PALLD: variants seen among roughly 807,000 people sequenced by gnomAD.
PALLD encodes the protein palladin.
In PALLD, 61 loss-of-function variants were observed where a neutral mutation model predicts 123.5. The observed-to-expected ratio is 0.49, with a 90% CI of 0.40 to 0.61. The LOEUF (loss-of-function observed/expected upper bound fraction) is 0.61, where lower values mean the gene tolerates loss of function less well. Ranked by LOEUF, PALLD falls within the 20% of genes least tolerant of loss-of-function variation. The pLI is 0.00. For missense variants in PALLD, 1,273 were observed against 1,377.0 expected (o/e 0.92, Z 1.20); for synonymous variants, 465 against 496.4 (o/e 0.94, Z 0.84).
chr4:168,722,849 T>C (rs1313969279), intron 10 of PALLD, among the ~76,000 whole-genome samples: 3 of 151,980 alleles, frequency 2.0e-5, no homozygotes, highest in Non-Finnish European at 2.9e-5. Flanking sequence ...AGCCAAGCCG[T>C]GTGTAGGTTC....
chr4:168,499,622 A>T (rs1761184004), intron 1 of PALLD, among the ~76,000 whole-genome samples: 1 of 152,154 alleles, frequency 6.6e-6, no homozygotes, highest in South Asian at 2.1e-4. Context: ...TAAGCAACAA[A>T]AGATCCCCCT....
intron 10 of PALLD, among the ~76,000 whole-genome samples, chr4:168,795,121 C>T (rs550706720): frequency 6.6e-6 from 1 of 152,260 alleles, no homozygotes; most frequent in South Asian, 2.1e-4. Flanking sequence ...TAATCACCTC[C>T]CAAAGGTCCC....
At chr4:168,757,179 G>C (rs948486353) in intron 10 of PALLD, among the ~76,000 whole-genome samples, 5 of 152,200 alleles carry the variant, frequency 3.3e-5, no homozygotes, top group African/African-American at 9.7e-5. Context: ...GATGTTTCAA[G>C]GAATTAGCTG....
intron 10 of PALLD, among the ~76,000 whole-genome samples, chr4:168,714,597 T>A (rs1041167015): frequency 6.6e-6 from 1 of 152,208 alleles, no homozygotes; most frequent in African/African-American, 2.4e-5. Flanking sequence ...ATTTGCCTCG[T>A]GTGGTCAGCA....
intron 10 of PALLD, among the ~76,000 whole-genome samples, chr4:168,847,878 GAAAA>G (rs888225873): frequency 6.7e-6 from 1 of 148,812 alleles, no homozygotes; most frequent in South Asian, 2.1e-4. Flanking sequence ...TTCTAAAAAA[GAAAA>G]AAAAAGGAAG....
At chr4:168,786,293 A>G (rs375728605) in intron 10 of PALLD, among the ~76,000 whole-genome samples, 1 of 152,046 alleles carries the variant, frequency 6.6e-6, no homozygotes, top group Non-Finnish European at 1.5e-5. Flanking sequence ...GCACCACTGC[A>G]CTCCAGCCTG....
chr4:168,603,805 T>C (rs1772910511), intron 2 of PALLD, among the ~76,000 whole-genome samples: 1 of 152,220 alleles, frequency 6.6e-6, no homozygotes, highest in Admixed American at 6.5e-5. Flanking sequence ...AAAGGTTCCA[T>C]AGTAAAAGTG....
At chr4:168,921,230 AC>A (rs905706734) in intron 17 of PALLD, among the ~76,000 whole-genome samples, 2 of 151,914 alleles carry the variant, frequency 1.3e-5, no homozygotes, top group Non-Finnish European at 2.9e-5. Flanking sequence ...ACATAGTGAA[AC>A]CCTATCTCTA....
At chr4:168,600,032 T>TACATGTGTGTACACACACATAC (rs1554048300) in intron 2 of PALLD, among the ~76,000 whole-genome samples, 6 of 123,672 alleles carry the variant, frequency 4.9e-5, no homozygotes, top group Admixed American at 3.5e-4. Flanking sequence ...TACACACACA[T>TACATGTGTGTACACACACATAC]ACATACATGT....
chr4:168,830,378 A>T (rs1297332800), intron 10 of PALLD, among the ~76,000 whole-genome samples: 1 of 151,472 alleles, frequency 6.6e-6, no homozygotes, highest in Non-Finnish European at 1.5e-5. Flanking sequence ...AAAATGTTTT[A>T]AATTAGCTGG....
chr4:168,548,838 G>A (rs1400685461), intron 2 of PALLD, among the ~76,000 whole-genome samples: 2 of 152,024 alleles, frequency 1.3e-5, no homozygotes, highest in African/African-American at 4.8e-5. Flanking sequence ...CAAATTTGAG[G>A]AGCGTGGTAA....
At chr4:168,697,165 T>C (rs989887745) in intron 8 of PALLD, among the ~76,000 whole-genome samples, 2 of 152,170 alleles carry the variant, frequency 1.3e-5, no homozygotes, top group East Asian at 3.8e-4. Context: ...AACTTCAAAA[T>C]TGTGAAAAAA....
At chr4:168,650,127 T>C (rs2149910311) in intron 2 of PALLD, among the ~76,000 whole-genome samples, 1 of 151,732 alleles carries the variant, frequency 6.6e-6, no homozygotes, top group African/African-American at 2.4e-5. Context: ...TGAGCTGAGA[T>C]CACACCACTG....
intron 2 of PALLD, among the ~76,000 whole-genome samples, chr4:168,548,258 T>C (rs1197928854): frequency 6.6e-6 from 1 of 152,068 alleles, no homozygotes; most frequent in African/African-American, 2.4e-5. Context: ...TGTTAAATTT[T>C]ATTGCTCTGA....
intron 2 of PALLD, among the ~76,000 whole-genome samples, chr4:168,517,257 A>G (rs982420168): frequency 6.6e-6 from 1 of 152,206 alleles, no homozygotes; most frequent in Non-Finnish European, 1.5e-5. Context: ...TATTATTAAT[A>G]TAAGGTAAAT....
chr4:168,814,732 A>T (rs1053070113), intron 10 of PALLD, among the ~76,000 whole-genome samples: 31 of 151,922 alleles, frequency 2.0e-4, no homozygotes, highest in African/African-American at 6.8e-4. Flanking sequence ...TCAATTTAAA[A>T]TTTTTCTCCT....
At chr4:168,554,036 C>A (rs1415952960) in intron 2 of PALLD, among the ~76,000 whole-genome samples, 2 of 152,162 alleles carry the variant, frequency 1.3e-5, no homozygotes, top group African/African-American at 4.8e-5. Context: ...CCATGTCTGT[C>A]CAGCCCCCAC....
intron 2 of PALLD, among the ~76,000 whole-genome samples, chr4:168,625,500 G>GAGAT (rs148655486): frequency 1.1e-4 from 4 of 35,254 alleles, no homozygotes; most frequent in Middle Eastern, 0.013. Context: ...TAATATCCAG[G>GAGAT]AGATATATAT....
chr4:168,638,653 C>G (rs1026233282), intron 2 of PALLD, among the ~76,000 whole-genome samples: 15 of 152,292 alleles, frequency 9.8e-5, no homozygotes, highest in Admixed American at 2.6e-4. Context: ...TGAGGGCCCA[C>G]TTTCTGGTTC....
Sources: allele counts gnomAD v4.1 joint callset (sites outside exome capture counted in the v4.1 genomes callset), GRCh38; gene constraint gnomAD v4.1.1; transcripts MANE v1.5; gene names NCBI Gene and HGNC (gene_info 2026-07-23, HGNC 2026-07-21).